The following GRM8 variants were observed in gnomAD, a reference collection of about 807,000 sequenced individuals.
GRM8 encodes metabotropic glutamate receptor 8.
Under a neutral mutation model 87.2 loss-of-function variants are expected in GRM8, and 47 were observed. The observed-to-expected ratio is 0.54, with a 90% confidence interval of 0.43 to 0.69. The LOEUF (loss-of-function observed/expected upper bound fraction) is 0.69, where lower values mean the gene tolerates loss of function less well. GRM8 is among the 30% of genes least tolerant of loss of function. GRM8 has a pLI of 0.00. For synonymous variants in GRM8, 396 were observed against 404.5 expected (o/e 0.98, Z 0.25); for missense variants, 1,019 against 1,139.2 (o/e 0.89, Z 1.52).
At chr7:127,198,982 C>T (rs1403493425) in intron 2 of GRM8, among the ~76,000 whole-genome samples, 1 of 151,966 alleles carries the variant, frequency 6.6e-6, no homozygotes. Flanking sequence ...GCTGGGATTA[C>T]ATGCATATGC....
chr7:126,742,442 T>C (rs1815118656), intron 7 of GRM8, among the ~76,000 whole-genome samples: 1 of 151,900 alleles, frequency 6.6e-6, no homozygotes, highest in Admixed American at 6.6e-5. Context: ...AATTTGGGAC[T>C]TTAAAAAAGA....
chr7:126,845,938 G>A (rs1284700366), intron 6 of GRM8, among the ~76,000 whole-genome samples: 1 of 151,822 alleles, frequency 6.6e-6, no homozygotes, highest in African/African-American at 2.4e-5. Context: ...GGGGAGTGGG[G>A]CTAGATGGAG....
At chr7:126,768,870 C>T (rs555956197) in intron 7 of GRM8, among the ~76,000 whole-genome samples, 4 of 147,608 alleles carry the variant, frequency 2.7e-5, no homozygotes, top group South Asian at 2.1e-4. Context: ...CTGCCACAGA[C>T]GATGTGTGTT....
At chr7:127,105,457 G>T (rs557978601) in intron 3 of GRM8, 1 of 152,254 alleles carries the variant, frequency 6.6e-6, no homozygotes, top group South Asian at 2.1e-4. Flanking sequence ...GTACAGAAAA[G>T]CTTGCAGTCA....
chr7:127,148,232 A>C (rs572303229), intron 2 of GRM8, among the ~76,000 whole-genome samples: 1 of 152,106 alleles, frequency 6.6e-6, no homozygotes, highest in East Asian at 1.9e-4. Flanking sequence ...TTAGAAAGCA[A>C]CTTTTCCACT....
chr7:127,159,995 T>C (rs946387418), intron 2 of GRM8, among the ~76,000 whole-genome samples: 5 of 152,128 alleles, frequency 3.3e-5, no homozygotes, highest in Admixed American at 2.6e-4. Flanking sequence ...GAATAAATAC[T>C]GTAATGGAAT....
intron 7 of GRM8, among the ~76,000 whole-genome samples, chr7:126,623,808 T>C (rs969790270): frequency 6.6e-6 from 1 of 152,186 alleles, no homozygotes; most frequent in Non-Finnish European, 1.5e-5. Context: ...CCAGGCATGG[T>C]GGCATACACC....
chr7:126,638,754 A>G (rs728600), intron 7 of GRM8, among the ~76,000 whole-genome samples: 46,840 of 152,186 alleles, frequency 0.31, 8,087 homozygotes, highest in East Asian at 0.43. Context: ...AAGGTAGGGC[A>G]CTACAGAACA....
At chr7:127,032,116 G>A (rs1817438088) in intron 3 of GRM8, among the ~76,000 whole-genome samples, 2 of 152,096 alleles carry the variant, frequency 1.3e-5, no homozygotes, top group Admixed American at 1.3e-4. Flanking sequence ...TCCAAGTGGT[G>A]AACCTATTCT....
chr7:126,777,255 C>A (rs1819581901), intron 6 of GRM8, among the ~76,000 whole-genome samples: 1 of 152,108 alleles, frequency 6.6e-6, no homozygotes, highest in Non-Finnish European at 1.5e-5. Context: ...AGGGAGGATA[C>A]AAATAATTAA....
At chr7:127,193,665 T>C (rs1795137383) in intron 2 of GRM8, among the ~76,000 whole-genome samples, 1 of 152,188 alleles carries the variant, frequency 6.6e-6, no homozygotes, top group African/African-American at 2.4e-5. Context: ...ACGGTAGCTA[T>C]GGAACATATC....
chr7:127,106,501 T>A lies in GRM8; in HGVS notation c.722A>T (p.Glu241Val), dbSNP rs750545586. The A allele has an allele frequency of 2.5e-6, 4 of 1,611,474 alleles. No homozygotes were observed. Among genetic ancestry groups the A allele is most frequent in the Non-Finnish European group, 2.5e-6 (3 of 1,177,800 alleles). The change falls in exon 3 of 11, where the codon GAG becomes GTG. Residue 241 changes from glutamate (E) to valine (V), a missense_variant. Glu to Val is a moderately radical substitution (Grantham distance 121). Transcript: ENST00000339582. Reference sequence around the variant, plus strand: ...TCTGATAAATATATGCTTACCAATCTCCCTCGAGATCTGGGTGAAGGCCTC... The same window carrying A: ...TCTGATAAATATATGCTTACCAATCACCCTCGAGATCTGGGTGAAGGCCTC... The part of the protein sequence containing the change: ...GVEAFTQISR[E>V]IGGVCIAQSQ...
At chr7:127,059,036 A>T (rs1820312751) in intron 3 of GRM8, among the ~76,000 whole-genome samples, 1 of 152,190 alleles carries the variant, frequency 6.6e-6, no homozygotes, top group Non-Finnish European at 1.5e-5. Context: ...TAAGGGAGAC[A>T]AGTGAGCAAC....
chr7:126,523,606 T>G (rs1179518624), intron 9 of GRM8, among the ~76,000 whole-genome samples: 2 of 151,936 alleles, frequency 1.3e-5, no homozygotes, highest in Non-Finnish European at 2.9e-5. Flanking sequence ...CAAGTTATTC[T>G]CCTGCCTCAG....
intron 7 of GRM8, among the ~76,000 whole-genome samples, chr7:126,660,292 G>A (rs1263478274): frequency 6.6e-6 from 1 of 152,062 alleles, no homozygotes. Flanking sequence ...AAACTAATAA[G>A]TAGTACTAGT....
rs146834011 is a variant in GRM8 at position 126,904,974 on chromosome 7, T to C, written c.728-291A>G. Among the ~76,000 whole-genome samples, 14 of 152,250 alleles carry C rather than the reference T, an allele frequency of 9.2e-5. No individual in the cohort carries two copies. In the East Asian group the frequency reaches 2.3e-3, roughly 25 times the overall value. On this transcript the variant is annotated intron_variant, in intron 3 of 10. Transcript: ENST00000339582. ...AAGATGTGTGATGAGAGTCAAAAGATGGAAAGAAGAAGGGATCTTTTGATT... is the reference window on the plus strand; with the variant it reads ...AAGATGTGTGATGAGAGTCAAAAGACGGAAAGAAGAAGGGATCTTTTGATT...
Position 126,857,011 on chromosome 7 carries a change from T to C in GRM8, c.1156+45531A>G, listed in dbSNP as rs555408646. On this transcript the variant is annotated intron_variant, in intron 6 of 10. Transcript: ENST00000339582. ...GTCTTAATGATAAAGAAGTTCTTTG[T>C]AATTGCATGGTACATTTACTCTGTG... 3.3e-5 allele frequency among the ~76,000 whole-genome samples: 5 copies of C among 152,370 alleles called. No individual in the cohort carries two copies. The South Asian group carries it at 1.0e-3, about 32-fold the overall frequency.
intron 8 of GRM8, among the ~76,000 whole-genome samples, chr7:126,572,201 C>G (rs773622644): frequency 1.3e-5 from 2 of 152,082 alleles, no homozygotes; most frequent in Non-Finnish European, 1.5e-5. Flanking sequence ...TACAACCATA[C>G]ATACAAACAT....
chr7:127,072,659 C>T (rs10233335), intron 3 of GRM8, among the ~76,000 whole-genome samples: 1,647 of 148,678 alleles, frequency 0.011, 25 homozygotes, highest in African/African-American at 0.038. Flanking sequence ...CAGCATCTGG[C>T]TCAACACACA....
Sources: gnomAD v4.1 joint callset for allele counts (sites outside exome capture counted in the v4.1 genomes callset) on GRCh38, gnomAD v4.1.1 for gene constraint, MANE v1.5 for transcripts, NCBI Gene and HGNC (gene_info 2026-07-23, HGNC 2026-07-21) for gene names.